The following RFX2 variants were observed in gnomAD, a reference collection of about 807,000 sequenced individuals.
RFX2 encodes the protein DNA-binding protein RFX2.
RFX2 carries 20 observed loss-of-function variants against 87.8 expected under a neutral mutation model. That is an observed-to-expected ratio of 0.23 (90% confidence interval 0.16 to 0.33). The LOEUF (loss-of-function observed/expected upper bound fraction) is 0.33. RFX2 is among the 10% of genes least tolerant of loss of function. The probability of loss-of-function intolerance (pLI) is 1.00; values close to 1 mark genes in which losing one functional copy is unlikely to be tolerated. For synonymous variants in RFX2, 397 were observed against 431.3 expected, an observed-to-expected ratio of 0.92 and a Z score of 0.98; for missense variants, 767 against 1,012.3, an observed-to-expected ratio of 0.76 and a Z score of 3.29.
rs1367922508 is a variant in RFX2 at position 5,999,394 on chromosome 19, T to C, written c.1860-2181A>G. Among the ~76,000 whole-genome samples the C allele has an allele frequency of 3.3e-5, 5 of 152,124 alleles. No homozygotes were observed. The highest frequency in any genetic ancestry group is 4.8e-5 in the African/African-American group (2 of 41,416). On this transcript the variant is annotated intron_variant, in intron 15 of 17. Coordinates refer to ENST00000303657, the MANE Select transcript of RFX2 (RefSeq NM_000635.4). This position sits in a 1 kb window ranked among gnomAD's most constrained non-coding sequence, Gnocchi z 4.1. The stretch of plus-strand genomic sequence containing the variant: ...CTCTGGCTGGCAGGCACCTCAGTCC[T>C]GCGCTCACTCTGCTCTTCTCAATTC...
intron 1 of RFX2, among the ~76,000 whole-genome samples, chr19:6,097,229 A>G (rs1207399826): frequency 6.6e-6 from 1 of 152,134 alleles, no homozygotes; most frequent in African/African-American, 2.4e-5. Flanking sequence ...AGGAAGAACG[A>G]GCGGTCCAGG....
rs2086690369 is a variant in RFX2, at chr19:6,013,785, G to C, written c.780-680C>G. 6.6e-6 allele frequency among the ~76,000 whole-genome samples: 1 copy of C among 152,140 alleles called. No homozygotes were observed. Among genetic ancestry groups the C allele is most frequent in the Non-Finnish European group, 1.5e-5 (1 of 68,026 alleles). On this transcript the variant is annotated intron_variant, in intron 7 of 17. Coordinates refer to ENST00000303657, the MANE Select transcript of RFX2 (RefSeq NM_000635.4). This position sits in a 1 kb window ranked among gnomAD's most constrained non-coding sequence, Gnocchi z 4.1. ...TGGCCTCTCTGGTTCAGCATTTCCTGAACTGTGTGAGGAATGTGATCAAGG... is the reference window on the plus strand; with the variant it reads ...TGGCCTCTCTGGTTCAGCATTTCCTCAACTGTGTGAGGAATGTGATCAAGG...
At chr19:6,103,054 T>G (rs1371359727) in intron 1 of RFX2, among the ~76,000 whole-genome samples, 1 of 152,204 alleles carries the variant, frequency 6.6e-6, no homozygotes, top group Non-Finnish European at 1.5e-5. Flanking sequence ...GAGATCTTAG[T>G]AGAAATAGGC....
intron 1 of RFX2, among the ~76,000 whole-genome samples, chr19:6,107,140 C>T (rs1253185346): frequency 4.0e-5 from 6 of 151,336 alleles, no homozygotes; most frequent in Non-Finnish European, 8.8e-5. Flanking sequence ...CTAAAAAATA[C>T]GAAAAATTAG....
intron 9 of RFX2, among the ~76,000 whole-genome samples, chr19:6,008,493 C>T (rs969425231): frequency 6.6e-6 from 1 of 151,306 alleles, no homozygotes; most frequent in Non-Finnish European, 1.5e-5. Context: ...CTGCTTCAAC[C>T]GCCCGAGTAA....
chr19:6,003,009 C>T (rs1372007231), intron 13 of RFX2, 139 bp from the exon 14 acceptor site: 1 of 936,406 alleles, frequency 1.1e-6, no homozygotes, highest in Non-Finnish European at 1.6e-6. Flanking sequence ...GAAGAGGGAA[C>T]CTCCTGCTAT....
In RFX2 at chr19:6,016,146, G is replaced by C. The variant is rs573270091; in HGVS notation, c.723C>G (p.Phe241Leu). Residue 241 changes from phenylalanine (F) to leucine (L), a missense_variant, in exon 7 of 18, where the codon TTC becomes TTG. This residue lies in a region of RFX2 where 621 missense variants were observed against 873.0 expected (regional missense o/e 0.71). Coordinates refer to ENST00000303657, the MANE Select transcript of RFX2 (RefSeq NM_000635.4). This position sits in a 1 kb window ranked among gnomAD's most constrained non-coding sequence, Gnocchi z 5.4. ...TAAACACAGAACGGATCAGTTTCCCGAAGGAGGCGGCGTTCACTGGGTCTA... is the reference window on the plus strand; with the variant it reads ...TAAACACAGAACGGATCAGTTTCCCCAAGGAGGCGGCGTTCACTGGGTCTA... Reference protein sequence around the residue: ...HKLDPVNAASFGKLIRSVFMG... With the variant: ...HKLDPVNAASLGKLIRSVFMG... The C allele has an allele frequency of 1.9e-6, 3 of 1,613,974 alleles. No homozygotes were observed. The African/African-American group carries it at 4.0e-5, about 22-fold the overall frequency.
At chr19:6,071,357 T>C (rs886616535) in intron 1 of RFX2, among the ~76,000 whole-genome samples, 13 of 152,122 alleles carry the variant, frequency 8.5e-5, no homozygotes, top group African/African-American at 3.1e-4. Context: ...CGCCTGTCTT[T>C]GGGAGGGAAA....
chr19:6,103,706 G>A (rs1166088779), intron 1 of RFX2, among the ~76,000 whole-genome samples: 3 of 152,168 alleles, frequency 2.0e-5, no homozygotes, highest in African/African-American at 7.2e-5. Flanking sequence ...TTCTTACGAA[G>A]CACTTATGTT....
rs1361043628 is a variant in RFX2, at chr19:6,064,758, C to T, written c.-8-17254G>A. On this transcript the variant is annotated intron_variant, in intron 1 of 17. Coordinates refer to ENST00000303657, the MANE Select transcript of RFX2 (RefSeq NM_000635.4). This position sits in a 1 kb window ranked among gnomAD's most constrained non-coding sequence, Gnocchi z 4.8. The stretch of plus-strand genomic sequence containing the variant: ...ATGACTGATTCTGGCCAGGAGGAGG[C>T]TGGCTTTCTGGATCCCACCAACATC... Among the ~76,000 whole-genome samples the T allele has an allele frequency of 6.6e-6, 1 of 152,214 alleles. No individual in the cohort carries two copies. Among genetic ancestry groups the T allele is most frequent in the Non-Finnish European group, 1.5e-5 (1 of 68,044 alleles).
chr19:6,038,388 G>C (rs374084393), intron 5 of RFX2, among the ~76,000 whole-genome samples: 1 of 97,184 alleles, frequency 1.0e-5, no homozygotes, highest in South Asian at 3.1e-4. Flanking sequence ...ACTTTTCAAA[G>C]AAAACAGGAG....
At position 6,018,128 on chromosome 19, in the gene RFX2, A is replaced by G. The variant is rs2086755917; in HGVS notation, c.598-1857T>C. Among the ~76,000 whole-genome samples, 3 of 151,932 alleles carry G rather than the reference A, an allele frequency of 2.0e-5. No homozygotes were observed. The South Asian group carries it at 6.2e-4, about 32-fold the overall frequency. On this transcript the variant is annotated intron_variant, in intron 6 of 17. Transcript: ENST00000303657. ...GTAGCTGGCATTATAGGCATGCACCACCACATCTGGCTTATGTTTTTTGTA... is the reference window on the plus strand; with the variant it reads ...GTAGCTGGCATTATAGGCATGCACCGCCACATCTGGCTTATGTTTTTTGTA...
At chr19:6,084,031 A>G (rs979024374) in intron 1 of RFX2, among the ~76,000 whole-genome samples, 6 of 152,132 alleles carry the variant, frequency 3.9e-5, no homozygotes, top group African/African-American at 1.4e-4. Flanking sequence ...TTCTCGGCAG[A>G]GAAGACCGGA....
rs1280517193 is a variant in RFX2, at chr19:6,061,777, G to C, written c.-8-14273C>G. Among the ~76,000 whole-genome samples the C allele has an allele frequency of 6.6e-6, 1 of 152,186 alleles. No homozygotes were observed. Among genetic ancestry groups the C allele is most frequent in the Non-Finnish European group, 1.5e-5 (1 of 68,028 alleles). On this transcript the variant is annotated intron_variant, in intron 1 of 17. Transcript: ENST00000303657. This position sits in a 1 kb window ranked among gnomAD's most constrained non-coding sequence, Gnocchi z 5.2. ...GTCCCAGGCTTGTCACTCGCTTACT[G>C]ACTGTGGCAGTGGCCTTGGTTTCTT...
chr19:6,087,918 TCA>T (rs1358086217), intron 1 of RFX2, among the ~76,000 whole-genome samples: 2 of 152,184 alleles, frequency 1.3e-5, no homozygotes, highest in East Asian at 3.8e-4. Flanking sequence ...CCCAGGAGTC[TCA>T]CTCCTTACAT....
intron 5 of RFX2, among the ~76,000 whole-genome samples, chr19:6,033,877 G>T (rs2086984694): frequency 6.6e-6 from 1 of 152,202 alleles, no homozygotes; most frequent in South Asian, 2.1e-4. Context: ...AGAAAAAGCA[G>T]ATGTGCCATT....
At chr19:6,062,221 G>A (rs998831625) in intron 1 of RFX2, among the ~76,000 whole-genome samples, 18 of 152,170 alleles carry the variant, frequency 1.2e-4, no homozygotes, top group African/African-American at 3.1e-4. Context: ...CAAACTAGCC[G>A]AAAGAAAGAG....
chr19:6,003,823 A>G (rs2144677143), intron 13 of RFX2, among the ~76,000 whole-genome samples: 1 of 149,076 alleles, frequency 6.7e-6, no homozygotes, highest in South Asian at 2.1e-4. Context: ...TGCTTGTGAG[A>G]ACGGTGGGTA....
rs1407079642 is a variant in RFX2, at chr19:6,110,188, A to C, written c.-9+205T>G. 6.6e-6 allele frequency among the ~76,000 whole-genome samples: 1 copy of C among 151,756 alleles called. No homozygotes were observed. The highest frequency in any genetic ancestry group is 6.6e-5 in the Admixed American group (1 of 15,248). ...GCACCTCCCCCGCGTTCAGTCAATA[A>C]GGAAAGTGGGGACGTCGCCAGGGTC... is the stretch of plus-strand genomic sequence containing the variant. On this transcript the variant is annotated intron_variant, in intron 1 of 17. Transcript: ENST00000303657. The surrounding 1 kb of genome is among the most constrained non-coding windows in gnomAD (Gnocchi z 4.3).
Sources: allele counts gnomAD v4.1 joint callset (sites outside exome capture counted in the v4.1 genomes callset), GRCh38; gene constraint gnomAD v4.1.1; regional missense constraint gnomAD v4.1.1; non-coding constraint Gnocchi (gnomAD v3.1); transcripts MANE v1.5; gene names NCBI Gene and HGNC (gene_info 2026-07-23, HGNC 2026-07-21).